The following CDCP1 variants were observed in gnomAD, a reference collection of about 807,000 sequenced individuals.
The protein encoded by CDCP1 is CUB domain containing protein 1.
Under a neutral mutation model 60.2 loss-of-function variants are expected in CDCP1, and 29 were observed. That is an observed-to-expected ratio of 0.48 (90% CI 0.36 to 0.66). The LOEUF (loss-of-function observed/expected upper bound fraction) is 0.66. CDCP1 is among the 30% of genes least tolerant of loss of function. CDCP1 has a pLI of 0.00. For missense variants in CDCP1, 876 were observed against 1,074.3 expected (o/e 0.82, Z 2.58); for synonymous variants, 387 against 431.1 (o/e 0.90, Z 1.27).
rs1323501717 is a variant in CDCP1, at chr3:45,085,470, C to T, written c.*168G>A. 3.0e-6 allele frequency: 2 copies of T among 665,820 alleles called. No individual in the cohort carries two copies. The highest frequency in any genetic ancestry group is 2.7e-5 in the Admixed American group (1 of 36,438). The allele number at this position is 665,820 out of a possible 1,614,324, so 41.2% of individuals were successfully genotyped here. A position where few individuals can be genotyped will look rare whatever the true frequency, so the allele number is the denominator to read the frequency against. ...GGAATTCATCATTTTCAATGTCTTGCCCTTAGAATGAGTCCACTGAGCAAT... is the reference window on the plus strand; with the variant it reads ...GGAATTCATCATTTTCAATGTCTTGTCCTTAGAATGAGTCCACTGAGCAAT... On this transcript the variant is annotated 3_prime_UTR_variant, in exon 9 of 9. Transcript: ENST00000296129. The surrounding 1 kb of genome is among the most constrained non-coding windows in gnomAD (Gnocchi z 4.2).
intron 1 of CDCP1, among the ~76,000 whole-genome samples, chr3:45,136,330 A>G (rs1021045981): frequency 1.3e-5 from 2 of 152,218 alleles, no homozygotes; most frequent in African/African-American, 4.8e-5. Flanking sequence ...TTCATGAACC[A>G]TATTCCTTCC....
chr3:45,137,681 A>C (rs1258434405), intron 1 of CDCP1, among the ~76,000 whole-genome samples: 2 of 148,992 alleles, frequency 1.3e-5, no homozygotes, highest in African/African-American at 5.0e-5. Flanking sequence ...TTAGCCAGGC[A>C]TGGTGGCACG....
chr3:45,085,507 G>T lies in CDCP1; in HGVS notation c.*131C>A. On this transcript the variant is annotated 3_prime_UTR_variant, in exon 9 of 9. Coordinates refer to ENST00000296129, the MANE Select transcript of CDCP1 (RefSeq NM_022842.5). The surrounding 1 kb of genome is among the most constrained non-coding windows in gnomAD (Gnocchi z 4.2). The stretch of plus-strand genomic sequence containing the variant: ...GTCCACTGAGCAATGTGAAGTTGGC[G>T]GTGTCCAGGAAAACCTCCTGCTGTT... 3.4e-6 allele frequency: 3 copies of T among 876,632 alleles called. No homozygotes were observed. The highest frequency in any genetic ancestry group is 5.4e-6 in the Non-Finnish European group (3 of 556,224). The allele number at this position is 876,632 out of a possible 1,614,324, so 54.3% of individuals were successfully genotyped here.
At chr3:45,090,229 T>C (rs1387701868) in intron 7 of CDCP1, among the ~76,000 whole-genome samples, 1 of 152,148 alleles carries the variant, frequency 6.6e-6, no homozygotes, top group Non-Finnish European at 1.5e-5. Context: ...AAAAGCAGCC[T>C]CCACAGTCCC....
chr3:45,093,720 C>T, intron 5 of CDCP1, 63 bp from the exon 6 acceptor site: 1 of 1,539,266 alleles, frequency 6.5e-7, no homozygotes, highest in Admixed American at 1.9e-5. Flanking sequence ...CTCCCCAGCT[C>T]TCCCGTCAGC....
chr3:45,084,924 A>G lies in CDCP1; in HGVS notation c.*714T>C, dbSNP rs887392928. ...ACAATGGGATTCAAGATGAATTTCC[A>G]CAATGGGATAACCACGAACCGACCT... On this transcript the variant is annotated 3_prime_UTR_variant, in exon 9 of 9. Transcript: ENST00000296129. 25 of 152,802 alleles carry G rather than the reference A, an allele frequency of 1.6e-4. No individual in the cohort carries two copies. The highest frequency in any genetic ancestry group is 3.4e-3 in the Middle Eastern group (1 of 294). The allele number at this position is 152,802 out of a possible 1,614,324, so 9.5% of individuals were successfully genotyped here. A position where few individuals can be genotyped will look rare whatever the true frequency, so the allele number is the denominator to read the frequency against.
In CDCP1 at chr3:45,088,565, G is replaced by T. The variant is rs184030096; in HGVS notation, c.2081+489C>A. On this transcript the variant is annotated intron_variant, in intron 8 of 8. Coordinates refer to ENST00000296129, the MANE Select transcript of CDCP1 (RefSeq NM_022842.5). ...CAGTTAACTGGGCCTTCCTTCCTCTGGGCCACAGGCCTGGCCTCTGTTACA... is the reference window on the plus strand; with the variant it reads ...CAGTTAACTGGGCCTTCCTTCCTCTTGGCCACAGGCCTGGCCTCTGTTACA... Among the ~76,000 whole-genome samples the T allele has an allele frequency of 3.5e-3, 540 of 152,322 alleles. 5 individuals are homozygous for T. The South Asian group carries it at 0.042, about 12-fold the overall frequency.
chr3:45,094,350 C>T (rs1576080379), intron 5 of CDCP1, among the ~76,000 whole-genome samples: 1 of 152,118 alleles, frequency 6.6e-6, no homozygotes, highest in South Asian at 2.1e-4. Context: ...CTCAGCCTCC[C>T]GAGTAGCTAG....
At position 45,108,953 on chromosome 3, in the gene CDCP1, A is replaced by AT. The variant is rs71092350; in HGVS notation, c.1024+1519dup. Among the ~76,000 whole-genome samples, 329 of 41,132 alleles carry AT rather than the reference A, an allele frequency of 8.0e-3. 125 individuals are homozygous for AT. Among genetic ancestry groups the AT allele is most frequent in the Middle Eastern group, 0.02 (2 of 100 alleles). The allele number at this position is 41,132 out of a possible 152,430, so 27.0% of individuals were successfully genotyped here. A position where few individuals can be genotyped will look rare whatever the true frequency, so the allele number is the denominator to read the frequency against. On this transcript the variant is annotated intron_variant, in intron 4 of 8. Transcript: ENST00000296129. ...CATGTATACATATATATATATATATATTTTTTTTTTTTTTGAGATGGAGTC... is the reference window on the plus strand; with the variant it reads ...CATGTATACATATATATATATATATATTTTTTTTTTTTTTTGAGATGGAGTC...
At chr3:45,119,361 CTTGA>C (rs1698844810) in intron 1 of CDCP1, among the ~76,000 whole-genome samples, 1 of 152,128 alleles carries the variant, frequency 6.6e-6, no homozygotes, top group African/African-American at 2.4e-5. Context: ...ATTTGCTTTG[CTTGA>C]TTGATTAAGT....
chr3:45,100,996 TTACA>T (rs1399750686), intron 4 of CDCP1, among the ~76,000 whole-genome samples: 1 of 152,254 alleles, frequency 6.6e-6, no homozygotes, highest in Non-Finnish European at 1.5e-5. Context: ...CTTGTTCACT[TTACA>T]TATTCATTGT....
chr3:45,092,529 A>G (rs1698313681), intron 6 of CDCP1, among the ~76,000 whole-genome samples: 1 of 152,192 alleles, frequency 6.6e-6, no homozygotes. Flanking sequence ...GTAACCTTGG[A>G]GATATCAGGC....
At chr3:45,088,173 C>A (rs1698232809) in intron 8 of CDCP1, among the ~76,000 whole-genome samples, 1 of 152,188 alleles carries the variant, frequency 6.6e-6, no homozygotes, top group South Asian at 2.1e-4. Context: ...AAAAGGTCAA[C>A]ATTTTCCTTT....
chr3:45,111,236 G>A (rs1324296057), intron 3 of CDCP1, among the ~76,000 whole-genome samples: 1 of 152,146 alleles, frequency 6.6e-6, no homozygotes, highest in East Asian at 1.9e-4. Context: ...GAAAGCACAG[G>A]CAACAGTAAA....
chr3:45,126,126 CTTTCTT>C (rs1559398796), intron 1 of CDCP1, among the ~76,000 whole-genome samples: 1 of 127,580 alleles, frequency 7.8e-6, no homozygotes, highest in East Asian at 2.1e-4. Flanking sequence ...TTCTTTCTTT[CTTTCTT>C]TCTTTCTTTC....
chr3:45,093,288 G>A lies in CDCP1; in HGVS notation c.1616C>T (p.Pro539Leu). Reference sequence around the variant, plus strand: ...GAGACCCCCCTTACCTTTGAAATAAGGTATAAAGGACACCGTCAGACCCTG... The same window carrying A: ...GAGACCCCCCTTACCTTTGAAATAAAGTATAAAGGACACCGTCAGACCCTG... The part of the protein sequence containing the change: ...SRQGLTVSFI[P>L]YFKEEGVFTV... Residue 539 changes from proline to leucine, a missense_variant, in exon 6 of 9, where the codon CCT becomes CTT. By Grantham distance (98) the Pro-to-Leu change is moderately conservative. This residue lies in a region of CDCP1 where 726 missense variants were observed against 935.7 expected (regional missense o/e 0.78). Coordinates refer to ENST00000296129, the MANE Select transcript of CDCP1 (RefSeq NM_022842.5). The A allele has an allele frequency of 6.2e-7, 1 of 1,612,726 alleles. No homozygotes were observed. Among genetic ancestry groups the A allele is most frequent in the Non-Finnish European group, 8.5e-7 (1 of 1,178,954 alleles).
chr3:45,145,968 C>G (rs974064491), intron 1 of CDCP1, among the ~76,000 whole-genome samples: 1 of 151,918 alleles, frequency 6.6e-6, no homozygotes, highest in African/African-American at 2.4e-5. Context: ...TCTCACGTGC[C>G]GAGGGCAAGG....
intron 2 of CDCP1, among the ~76,000 whole-genome samples, chr3:45,117,308 A>G (rs1395603615): frequency 6.6e-6 from 1 of 152,252 alleles, no homozygotes; most frequent in Non-Finnish European, 1.5e-5. Flanking sequence ...ATTATGAATA[A>G]TAAAACCAAA....
At chr3:45,114,324 T>G (rs1698748195) in intron 2 of CDCP1, among the ~76,000 whole-genome samples, 1 of 152,224 alleles carries the variant, frequency 6.6e-6, no homozygotes, top group Non-Finnish European at 1.5e-5. Context: ...ATAACTAAAA[T>G]GATTCCTGTC....
Sources: gnomAD v4.1 joint callset for allele counts (sites outside exome capture counted in the v4.1 genomes callset) on GRCh38, gnomAD v4.1.1 for gene constraint, gnomAD v4.1.1 regional missense constraint, Gnocchi (gnomAD v3.1) non-coding constraint, MANE v1.5 for transcripts, NCBI Gene and HGNC (gene_info 2026-07-23, HGNC 2026-07-21) for gene names.